The following PTPRD variants were observed in gnomAD, a reference collection of about 807,000 sequenced individuals.
PTPRD encodes the protein receptor-type tyrosine-protein phosphatase delta.
A neutral mutation model predicts 214.5 loss-of-function variants in PTPRD; 34 were observed. The ratio of observed to expected loss-of-function variants is 0.16; its 90% CI spans 0.12 to 0.21. The LOEUF is 0.21. Ranked by LOEUF, PTPRD falls within the 10% of genes least tolerant of loss-of-function variation. PTPRD has a pLI of 1.00. For missense variants in PTPRD, 2,545 were observed against 2,398.7 expected, an observed-to-expected ratio of 1.06 and a Z score of -1.27; for synonymous variants, 1,128 against 845.7, an observed-to-expected ratio of 1.33 and a Z score of -5.79.
intron 11 of PTPRD, among the ~76,000 whole-genome samples, chr9:8,925,711 T>C (rs2098878760): frequency 6.6e-6 from 1 of 151,364 alleles, no homozygotes; most frequent in African/African-American, 2.4e-5. Flanking sequence ...ACGCCACACC[T>C]CTAGGCACCG....
At chr9:9,318,239 C>T (rs199787453) in intron 9 of PTPRD, among the ~76,000 whole-genome samples, 1 of 123,300 alleles carries the variant, frequency 8.1e-6, no homozygotes, top group African/African-American at 3.0e-5. Context: ...AAAAAAAAAA[C>T]ACCAAAAAGT....
chr9:9,541,129 A>G (rs751407254), intron 8 of PTPRD, among the ~76,000 whole-genome samples: 1 of 151,826 alleles, frequency 6.6e-6, no homozygotes, highest in Non-Finnish European at 1.5e-5. Flanking sequence ...CGAAAAAATT[A>G]CTATGGTGGC....
At chr9:9,478,233 A>G (rs2095208421) in intron 8 of PTPRD, among the ~76,000 whole-genome samples, 1 of 152,174 alleles carries the variant, frequency 6.6e-6, no homozygotes, top group South Asian at 2.1e-4. Flanking sequence ...GATTTATGCT[A>G]CAGATTAACT....
At chr9:8,846,444 T>C (rs2097698169) in intron 11 of PTPRD, among the ~76,000 whole-genome samples, 1 of 152,106 alleles carries the variant, frequency 6.6e-6, no homozygotes, top group Non-Finnish European at 1.5e-5. Context: ...AGAGTAAAAA[T>C]AAGCAATTAC....
At chr9:9,502,848 A>G (rs530920243) in intron 8 of PTPRD, among the ~76,000 whole-genome samples, 77 of 152,054 alleles carry the variant, frequency 5.1e-4, no homozygotes, top group African/African-American at 1.8e-3. Flanking sequence ...ATGAGATTCT[A>G]TTTATGTGAC....
chr9:9,457,993 T>C (rs1366955383), intron 8 of PTPRD, among the ~76,000 whole-genome samples: 1 of 152,226 alleles, frequency 6.6e-6, no homozygotes, highest in Middle Eastern at 3.4e-3. Context: ...AAATAATAAG[T>C]GGTTTCACAT....
At chr9:8,510,205 T>A (rs572584154) in intron 21 of PTPRD, among the ~76,000 whole-genome samples, 38 of 152,064 alleles carry the variant, frequency 2.5e-4, no homozygotes, top group Non-Finnish European at 5.0e-4. Context: ...GGTGAGAGGA[T>A]CACTTGAGTC....
chr9:9,414,864 T>C (rs1213044908), intron 8 of PTPRD: 2 of 152,082 alleles, frequency 1.3e-5, no homozygotes, highest in Non-Finnish European at 2.9e-5. Flanking sequence ...ATGAAAGAAA[T>C]AGAAACACAT....
At chr9:9,694,787 C>T (rs763533787) in intron 7 of PTPRD, among the ~76,000 whole-genome samples, 1 of 152,082 alleles carries the variant, frequency 6.6e-6, no homozygotes, top group Non-Finnish European at 1.5e-5. Flanking sequence ...CACCAATGTT[C>T]GCTTAAAGAC....
chr9:10,592,623 A>G (rs1741144136), intron 2 of PTPRD, among the ~76,000 whole-genome samples: 1 of 151,912 alleles, frequency 6.6e-6, no homozygotes, highest in African/African-American at 2.4e-5. Context: ...TCTGTCTTAC[A>G]AGAGGATTGT....
intron 37 of PTPRD, among the ~76,000 whole-genome samples, chr9:8,387,063 A>AT (rs1484368702): frequency 6.6e-6 from 1 of 152,178 alleles, no homozygotes; most frequent in African/African-American, 2.4e-5. Flanking sequence ...AGGTCATCAC[A>AT]AATCTGGGTA....
chr9:9,642,851 G>C (rs2096012647), intron 7 of PTPRD, among the ~76,000 whole-genome samples: 1 of 152,124 alleles, frequency 6.6e-6, no homozygotes, highest in Non-Finnish European at 1.5e-5. Context: ...CATAGAAATT[G>C]AGAACATATT....
At chr9:10,109,386 C>A (rs1337703303) in intron 3 of PTPRD, among the ~76,000 whole-genome samples, 2 of 152,116 alleles carry the variant, frequency 1.3e-5, no homozygotes, top group African/African-American at 4.8e-5. Flanking sequence ...CTAATAAAAG[C>A]TGTCAAGTTG....
At chr9:8,751,252 G>C (rs971335380) in intron 11 of PTPRD, among the ~76,000 whole-genome samples, 1 of 151,878 alleles carries the variant, frequency 6.6e-6, no homozygotes, top group Non-Finnish European at 1.5e-5. Context: ...TACTTAAAAA[G>C]TAAAGTACCT....
chr9:9,348,486 T>C (rs1373316114), intron 9 of PTPRD, among the ~76,000 whole-genome samples: 10 of 152,114 alleles, frequency 6.6e-5, no homozygotes, highest in Non-Finnish European at 1.5e-4. Flanking sequence ...GACTTGGTGA[T>C]TGAAAGAGTG....
At chr9:10,272,932 A>G (rs574142108) in intron 3 of PTPRD, among the ~76,000 whole-genome samples, 1 of 152,332 alleles carries the variant, frequency 6.6e-6, no homozygotes, top group South Asian at 2.1e-4. Context: ...GTTGTCCATC[A>G]GTATTCTGTC....
chr9:9,417,640 T>C (rs1254652161), intron 8 of PTPRD, among the ~76,000 whole-genome samples: 3 of 152,068 alleles, frequency 2.0e-5, no homozygotes, highest in African/African-American at 7.2e-5. Context: ...CAACAAAACT[T>C]GATTAAAAGC....
intron 10 of PTPRD, among the ~76,000 whole-genome samples, chr9:9,073,768 G>T (rs1161411077): frequency 6.6e-6 from 1 of 152,026 alleles, no homozygotes; most frequent in Non-Finnish European, 1.5e-5. Context: ...ATCCTATTGT[G>T]CCTGTTTTTC....
intron 8 of PTPRD, among the ~76,000 whole-genome samples, chr9:9,518,355 C>G (rs1245189901): frequency 2.6e-5 from 4 of 152,020 alleles, no homozygotes; most frequent in Non-Finnish European, 5.9e-5. Flanking sequence ...ATTCTACTCA[C>G]ACTAGTGAAA....
Sources: allele counts gnomAD v4.1 joint callset (sites outside exome capture counted in the v4.1 genomes callset), GRCh38; gene constraint gnomAD v4.1.1; transcripts MANE v1.5; gene names NCBI Gene and HGNC (gene_info 2026-07-23, HGNC 2026-07-21).